ZNF626: variants seen among roughly 807,000 people sequenced by gnomAD.
ZNF626 encodes the protein zinc finger protein 626.
ZNF626 carries 4 observed loss-of-function variants against 11.7 expected under a neutral mutation model. The observed-to-expected ratio is 0.34, with a 90% CI of 0.17 to 0.78. The LOEUF (loss-of-function observed/expected upper bound fraction) is 0.78. ZNF626 is among the 30% of genes least tolerant of loss of function. ZNF626 has a pLI of 0.57. For missense variants in ZNF626, 588 were observed against 587.1 expected (o/e 1.00, Z -0.01); for synonymous variants, 179 against 198.6 (o/e 0.90, Z 0.83).
chr19:20,638,287 T>C (rs1390689044), intron 3 of ZNF626, among the ~76,000 whole-genome samples: 1 of 151,956 alleles, frequency 6.6e-6, no homozygotes, highest in Non-Finnish European at 1.5e-5. Flanking sequence ...TAGCTGGGCA[T>C]GGTGGCGGGC....
intron 1 of ZNF626, among the ~76,000 whole-genome samples, chr19:20,652,221 C>A: frequency 6.6e-6 from 1 of 150,814 alleles, no homozygotes. Flanking sequence ...TTTGGTGTTA[C>A]AGCAAGTGGA....
chr19:20,647,588 G>A (rs1053810154), intron 1 of ZNF626, among the ~76,000 whole-genome samples: 5 of 146,316 alleles, frequency 3.4e-5, no homozygotes, highest in African/African-American at 1.0e-4. Context: ...CCAGGTTCAC[G>A]CCATTCTCCT....
chr19:20,648,547 T>G lies in ZNF626; in HGVS notation c.4-2142A>C, dbSNP rs557249255. ...GCCTGCCACCAAGCCCAGCAAATTT[T>G]TTGTATTTTAGTAGAGACAGAGTTT... On this transcript the variant is annotated intron_variant, in intron 1 of 3. Transcript: ENST00000601440. 1.6e-4 allele frequency among the ~76,000 whole-genome samples: 24 copies of G among 150,500 alleles called. No individual in the cohort carries two copies. The South Asian group carries it at 5.2e-3, about 32-fold the overall frequency.
At position 20,619,948 on chromosome 19, in the gene ZNF626, C is replaced by T. The variant is rs1339365551; in HGVS notation, c.*4342G>A. On this transcript the variant is annotated 3_prime_UTR_variant, in exon 4 of 4. Transcript: ENST00000601440. The stretch of plus-strand genomic sequence containing the variant: ...AAATGTCATCTGCAAATAATAACTA[C>T]TTTCCAGTTTTATTCATTACAAATA... 2 of 152,210 alleles carry T rather than the reference C, an allele frequency of 1.3e-5. No homozygotes were observed. Among genetic ancestry groups the T allele is most frequent in the African/African-American group, 4.8e-5 (2 of 41,448 alleles). 9.4% of individuals were successfully genotyped at this position (152,210 alleles called of 1,614,324 possible).
Position 20,661,549 on chromosome 19 carries a change from G to T in ZNF626, c.-103C>A, listed in dbSNP as rs1008591699. 47 of 1,313,058 alleles carry T rather than the reference G, an allele frequency of 3.6e-5. 2 individuals are homozygous for T. The highest frequency in any genetic ancestry group is 5.0e-5 in the Non-Finnish European group (47 of 935,174). 81.3% of individuals were successfully genotyped at this position (1,313,058 alleles called of 1,614,324 possible). On this transcript the variant is annotated 5_prime_UTR_variant, in exon 1 of 4. Transcript: ENST00000601440. Reference sequence around the variant, plus strand: ...GCCTTTAGGAGAAGAACCAGACCTGGAGCTCTGACTGCAGCGAGAGACAAA... The same window carrying T: ...GCCTTTAGGAGAAGAACCAGACCTGTAGCTCTGACTGCAGCGAGAGACAAA...
chr19:20,636,771 AAC>A (rs1384754919), intron 3 of ZNF626, among the ~76,000 whole-genome samples: 3 of 152,196 alleles, frequency 2.0e-5, no homozygotes, highest in African/African-American at 7.2e-5. Context: ...CTGTAATCCC[AAC>A]ACTTTGGGAG....
chr19:20,628,898 G>C (rs1214015438), intron 3 of ZNF626, among the ~76,000 whole-genome samples: 2 of 152,144 alleles, frequency 1.3e-5, no homozygotes, highest in African/African-American at 4.8e-5. Context: ...TTTTCTTCTA[G>C]GGTTTTTATG....
chr19:20,649,040 A>G (rs782440916), intron 1 of ZNF626, among the ~76,000 whole-genome samples: 1 of 152,218 alleles, frequency 6.6e-6, no homozygotes, highest in Non-Finnish European at 1.5e-5. Flanking sequence ...TGTGAGTACT[A>G]AACGCATGGC....
chr19:20,626,910 G>C (rs1465441904), intron 3 of ZNF626, among the ~76,000 whole-genome samples: 3 of 152,100 alleles, frequency 2.0e-5, no homozygotes, highest in African/African-American at 7.2e-5. Flanking sequence ...AGCTACTTGG[G>C]AGACAGAGGC....
At chr19:20,653,653 G>C (rs8103008) in intron 1 of ZNF626, among the ~76,000 whole-genome samples, 3 of 104,132 alleles carry the variant, frequency 2.9e-5, no homozygotes, top group African/African-American at 1.7e-4. Context: ...AAAAAAAAAA[G>C]AAAAAGAAAA....
chr19:20,624,826 T>A lies in ZNF626; in HGVS notation c.1051A>T (p.Lys351Ter), dbSNP rs1969804470. Reference sequence around the variant, plus strand: ...TGTGTAGTAAGGGTAGAGGAGTACTTAAAGGCTTTGCCACATTCTTCACAT... The same window carrying A: ...TGTGTAGTAAGGGTAGAGGAGTACTAAAAGGCTTTGCCACATTCTTCACAT... ...YKCEECGKAF[K>*]YSSTLTTHKR... Residue 351 changes from lysine (K) to a stop codon, truncating the protein, a stop_gained, in exon 4 of 4, where the codon AAG (lysine) becomes TAG (stop). Transcript: ENST00000601440. LOFTEE classifies it low-confidence loss of function (END_TRUNC). 3 of 1,613,864 alleles carry A rather than the reference T, an allele frequency of 1.9e-6. No homozygotes were observed. Among genetic ancestry groups the A allele is most frequent in the South Asian group, 1.1e-5 (1 of 91,068 alleles).
rs1382986360 is a variant in ZNF626, at chr19:20,622,505, ATC to A, written c.*1783_*1784del. 1 of 152,178 alleles carries A rather than the reference ATC, an allele frequency of 6.6e-6. No homozygotes were observed. The highest frequency in any genetic ancestry group is 1.9e-4 in the East Asian group (1 of 5,196). 9.4% of individuals were successfully genotyped at this position (152,178 alleles called of 1,614,324 possible). A position where few individuals can be genotyped will look rare whatever the true frequency, so the allele number is the denominator to read the frequency against. On this transcript the variant is annotated 3_prime_UTR_variant, in exon 4 of 4. Transcript: ENST00000601440. Reference sequence around the variant, plus strand: ...GCCCAACTCATAAAGAATCTCTAATATCTCTGATGCAGCAACAATTGATCACA... The same window carrying A: ...GCCCAACTCATAAAGAATCTCTAATATCTGATGCAGCAACAATTGATCACA...
intron 1 of ZNF626, among the ~76,000 whole-genome samples, chr19:20,653,653 GA>G (rs1295582542): frequency 9.6e-6 from 1 of 104,132 alleles, no homozygotes; most frequent in Non-Finnish European, 1.7e-5. Flanking sequence ...AAAAAAAAAA[GA>G]AAAAGAAAAA....
chr19:20,646,253 A>T, intron 2 of ZNF626, 26 bp downstream of exon 2: 1 of 1,603,404 alleles, frequency 6.2e-7, no homozygotes, highest in South Asian at 1.1e-5. Flanking sequence ...TCTATAGGGT[A>T]TATTATGTAC....
intron 1 of ZNF626, among the ~76,000 whole-genome samples, chr19:20,654,552 C>T (rs959591535): frequency 2.7e-5 from 4 of 149,448 alleles, no homozygotes; most frequent in Non-Finnish European, 5.9e-5. Context: ...ACTAAAAATA[C>T]AAAAAAATTA....
chr19:20,646,495 C>G (rs781936470), intron 1 of ZNF626, 90 bp from the exon 2 acceptor site: 32 of 1,600,440 alleles, frequency 2.0e-5, no homozygotes, highest in Non-Finnish European at 2.6e-5. Flanking sequence ...GTAAAGAGAA[C>G]TGGTTCTGAC....
Position 20,627,535 on chromosome 19 carries a change from T to C in ZNF626, c.227-1885A>G, listed in dbSNP as rs115827027. 2.8e-3 allele frequency among the ~76,000 whole-genome samples: 422 copies of C among 151,934 alleles called. 1 individual carries two copies. Among genetic ancestry groups the C allele is most frequent in the African/African-American group, 9.4e-3 (389 of 41,474 alleles). On this transcript the variant is annotated intron_variant, in intron 3 of 3. Transcript: ENST00000601440. Reference sequence around the variant, plus strand: ...ACAGAAAGAAAAGGAAAGACAAAGATATAAGAATCAAATAAAACAAATAAT... The same window carrying C: ...ACAGAAAGAAAAGGAAAGACAAAGACATAAGAATCAAATAAAACAAATAAT...
At chr19:20,626,704 C>A (rs1969837972) in intron 3 of ZNF626, among the ~76,000 whole-genome samples, 1 of 152,028 alleles carries the variant, frequency 6.6e-6, no homozygotes, top group African/African-American at 2.4e-5. Context: ...GACTGGATGA[C>A]AGAGCAAGAC....
chr19:20,660,584 G>A (rs545009480), intron 1 of ZNF626, among the ~76,000 whole-genome samples: 1 of 152,118 alleles, frequency 6.6e-6, no homozygotes, highest in East Asian at 1.9e-4. Context: ...GTGCCAACAC[G>A]CCGATAGTTT....
Sources: gnomAD v4.1 joint callset for allele counts (sites outside exome capture counted in the v4.1 genomes callset) on GRCh38, gnomAD v4.1.1 for gene constraint, MANE v1.5 for transcripts, NCBI Gene and HGNC (gene_info 2026-07-23, HGNC 2026-07-21) for gene names.